The following OTOF variants were observed in gnomAD, a reference collection of about 807,000 sequenced individuals.
OTOF encodes fer-1-like family member 2.
Under a neutral mutation model 236.8 loss-of-function variants are expected in OTOF, and 218 were observed. The observed-to-expected ratio is 0.92, with a 90% CI of 0.82 to 1.03. The LOEUF (loss-of-function observed/expected upper bound fraction) is 1.03, where lower values mean the gene tolerates loss of function less well. Among genes scored for constraint, OTOF ranks in the 50% least tolerant of loss-of-function variants. The pLI is 0.00. For synonymous variants in OTOF, 1,041 were observed against 1,072.5 expected (o/e 0.97, Z 0.57); for missense variants, 2,590 against 2,694.4 (o/e 0.96, Z 0.86).
At chr2:26,497,983 A>C (rs938806070) in intron 8 of OTOF, among the ~76,000 whole-genome samples, 6 of 152,214 alleles carry the variant, frequency 3.9e-5, no homozygotes, top group African/African-American at 1.4e-4. Flanking sequence ...GCCCCCACCA[A>C]CAATAAAAAA....
At chr2:26,499,133 A>C (rs1666057865) in intron 8 of OTOF, among the ~76,000 whole-genome samples, 1 of 152,178 alleles carries the variant, frequency 6.6e-6, no homozygotes, top group Non-Finnish European at 1.5e-5. Flanking sequence ...TTGATCCACC[A>C]AGAACATCTC....
intron 5 of OTOF, among the ~76,000 whole-genome samples, chr2:26,506,427 C>T (rs894196908): frequency 1.3e-5 from 2 of 152,228 alleles, no homozygotes; most frequent in Admixed American, 6.5e-5. Flanking sequence ...CCCCACTTCC[C>T]CAGAGGGGAA....
chr2:26,556,204 C>T (rs1162216547), intron 1 of OTOF, among the ~76,000 whole-genome samples: 1 of 152,246 alleles, frequency 6.6e-6, no homozygotes, highest in Non-Finnish European at 1.5e-5. Context: ...GGGCCAGTGT[C>T]TCCCTCTGCG....
chr2:26,550,501 C>T (rs73923719), intron 1 of OTOF, among the ~76,000 whole-genome samples: 2,476 of 148,230 alleles, frequency 0.017, 80 homozygotes, highest in African/African-American at 0.062. Flanking sequence ...GCCCTCAAGG[C>T]GCCCACCTGG....
intron 1 of OTOF, among the ~76,000 whole-genome samples, chr2:26,555,021 C>A (rs1188924355): frequency 6.6e-6 from 1 of 152,192 alleles, no homozygotes; most frequent in Non-Finnish European, 1.5e-5. Flanking sequence ...CCAGGTCCCC[C>A]AGCCTTGGTG....
At chr2:26,493,214 C>T (rs1157976175) in intron 9 of OTOF, among the ~76,000 whole-genome samples, 1 of 152,164 alleles carries the variant, frequency 6.6e-6, no homozygotes, top group Non-Finnish European at 1.5e-5. Context: ...AGAGCAGAGT[C>T]AATTTGTGGT....
Position 26,480,331 on chromosome 2 carries a change from A to C in OTOF, c.1804-20T>G. 7.0e-7 allele frequency: 1 copy of C among 1,437,224 alleles called. No homozygotes were observed. The highest frequency in any genetic ancestry group is 9.8e-7 in the Non-Finnish European group (1 of 1,024,082). 89.0% of individuals were successfully genotyped at this position (1,437,224 alleles called of 1,614,324 possible). A position where few individuals can be genotyped will look rare whatever the true frequency, so the allele number is the denominator to read the frequency against. On this transcript the variant is annotated intron_variant, in intron 15 of 46. Coordinates refer to ENST00000272371, the MANE Select transcript of OTOF (RefSeq NM_194248.3). Reference sequence around the variant, plus strand: ...ACAGCTCTGTGGGGAGGCAGTTCAAAGCGTTCCTGAGCTTGAGTAAGGGTG... The same window carrying C: ...ACAGCTCTGTGGGGAGGCAGTTCAACGCGTTCCTGAGCTTGAGTAAGGGTG...
chr2:26,501,652 C>A (rs1666117426), intron 8 of OTOF, 102 bp downstream of exon 8: 1 of 838,392 alleles, frequency 1.2e-6, no homozygotes, highest in South Asian at 1.4e-5. Flanking sequence ...TTCTCTATGA[C>A]CCCTGGATCC....
chr2:26,554,165 C>CAAAAA (rs34196608), intron 1 of OTOF, among the ~76,000 whole-genome samples: 35 of 79,558 alleles, frequency 4.4e-4, no homozygotes, highest in African/African-American at 1.6e-3. Flanking sequence ...GAGCGAGACT[C>CAAAAA]AAAAAAAAAA....
chr2:26,460,071 AG>A lies in OTOF; in HGVS notation c.5947del (p.Leu1983SerfsTer148). ...LLLLLLLALF[L>X]YSVPGYLVKK... ...GACCAGGTAGCCAGGCACAGAGTAGAGGAACAGGGCGAGGAGGAGGAGCAGC... is the reference window on the plus strand; with the variant it reads ...GACCAGGTAGCCAGGCACAGAGTAGAGAACAGGGCGAGGAGGAGGAGCAGC... On this transcript the variant is annotated frameshift_variant, in exon 46 of 47. Transcript: ENST00000272371. LOFTEE classifies it high-confidence loss of function. The surrounding 1 kb of genome is among the most constrained non-coding windows in gnomAD (Gnocchi z 5.3). The A allele has an allele frequency of 6.3e-7, 1 of 1,575,358 alleles. No individual in the cohort carries two copies. Among genetic ancestry groups the A allele is most frequent in the Non-Finnish European group, 8.6e-7 (1 of 1,160,442 alleles).
At position 26,470,450 on chromosome 2, in the gene OTOF, A is replaced by G; in HGVS notation, c.4023+143T>C. 1.2e-6 allele frequency: 1 copy of G among 826,964 alleles called. No individual in the cohort carries two copies. The highest frequency in any genetic ancestry group is 1.7e-5 in the African/African-American group (1 of 60,182). The allele number at this position is 826,964 out of a possible 1,614,324, so 51.2% of individuals were successfully genotyped here. On this transcript the variant is annotated intron_variant, in intron 32 of 46. Coordinates refer to ENST00000272371, the MANE Select transcript of OTOF (RefSeq NM_194248.3). This position sits in a 1 kb window ranked among gnomAD's most constrained non-coding sequence, Gnocchi z 4.3. ...CTTGGAAGGTGAGTTCTGAGCTAGG[A>G]TTTCAAGGATGTGAGACAAAACCAT...
At chr2:26,540,747 G>A (rs1667193660) in intron 1 of OTOF, among the ~76,000 whole-genome samples, 1 of 151,872 alleles carries the variant, frequency 6.6e-6, no homozygotes, top group South Asian at 2.1e-4. Context: ...TGGGGCGGGG[G>A]CAGGTGGGGA....
chr2:26,477,499 G>A lies in OTOF; in HGVS notation c.2323C>T (p.Leu775Phe), dbSNP rs1665369812. 3 of 1,602,982 alleles carry A rather than the reference G, an allele frequency of 1.9e-6. No individual in the cohort carries two copies. The highest frequency in any genetic ancestry group is 2.6e-6 in the Non-Finnish European group (3 of 1,175,620). ...EELSCGCCRFLSLADKDQGHS... is the reference protein window; with the variant it reads ...EELSCGCCRFFSLADKDQGHS... ...CCCTGGTCCTTGTCAGCGAGGGAGA[G>A]GAAGCGGCTGGGGGTAGGGCGAGCC... Residue 775 changes from leucine (L) to phenylalanine (F), a missense_variant, in exon 20 of 47, where the codon CTC becomes TTC. By Grantham distance (22) the Leu-to-Phe change is conservative. Coordinates refer to ENST00000272371, the MANE Select transcript of OTOF (RefSeq NM_194248.3). The surrounding 1 kb of genome is among the most constrained non-coding windows in gnomAD (Gnocchi z 4.7).
chr2:26,518,229 C>A (rs1200839604), intron 4 of OTOF, among the ~76,000 whole-genome samples: 2 of 152,208 alleles, frequency 1.3e-5, no homozygotes, highest in Non-Finnish European at 2.9e-5. Context: ...TAATAGCTAA[C>A]AATATTATAG....
intron 7 of OTOF, 106 bp from the exon 8 acceptor site, chr2:26,501,914 T>C: frequency 2.4e-6 from 2 of 842,662 alleles, no homozygotes; most frequent in Admixed American, 3.5e-5. Flanking sequence ...GACAGAATCA[T>C]GGTCTTTAAA....
intron 8 of OTOF, among the ~76,000 whole-genome samples, chr2:26,497,358 G>A (rs1398556999): frequency 1.3e-5 from 2 of 152,170 alleles, no homozygotes; most frequent in African/African-American, 2.4e-5. Flanking sequence ...GCTTCCCAAA[G>A]TGCTGGAATT....
chr2:26,554,473 A>G (rs1667537769), intron 1 of OTOF, among the ~76,000 whole-genome samples: 1 of 150,982 alleles, frequency 6.6e-6, no homozygotes, highest in Non-Finnish European at 1.5e-5. Flanking sequence ...GGCAGCATGC[A>G]GAGGTGTGGC....
intron 13 of OTOF, among the ~76,000 whole-genome samples, chr2:26,482,869 G>A (rs555311915): frequency 8.0e-5 from 12 of 150,246 alleles, no homozygotes; most frequent in East Asian, 4.0e-4. Context: ...GCATGTGTGC[G>A]TGTGTGAGTG....
At chr2:26,471,833 CATGCACAT>C (rs999821990) in intron 30 of OTOF, among the ~76,000 whole-genome samples, 2 of 151,140 alleles carry the variant, frequency 1.3e-5, no homozygotes, top group African/African-American at 4.9e-5. Context: ...CACATGCACA[CATGCACAT>C]TTACATACCA....
Sources: allele counts gnomAD v4.1 joint callset (sites outside exome capture counted in the v4.1 genomes callset), GRCh38; gene constraint gnomAD v4.1.1; non-coding constraint Gnocchi (gnomAD v3.1); transcripts MANE v1.5; gene names NCBI Gene and HGNC (gene_info 2026-07-23, HGNC 2026-07-21).